The following LIN28B variants were observed in gnomAD, a reference collection of about 807,000 sequenced individuals.
LIN28B encodes lin-28 RNA binding posttranscriptional regulator B.
Under a neutral mutation model 21.9 loss-of-function variants are expected in LIN28B, and 5 were observed. The ratio of observed to expected loss-of-function variants is 0.23; its 90% confidence interval spans 0.12 to 0.48. The LOEUF (loss-of-function observed/expected upper bound fraction) is 0.48, where lower values mean the gene tolerates loss of function less well. LIN28B is among the 20% of genes least tolerant of loss of function. The pLI is 0.98. For missense variants in LIN28B, 245 were observed against 310.5 expected, an observed-to-expected ratio of 0.79 and a Z score of 1.58; for synonymous variants, 109 against 111.3, an observed-to-expected ratio of 0.98 and a Z score of 0.13.
chr6:105,035,725 A>T (rs1035574391), intron 3 of LIN28B, among the ~76,000 whole-genome samples: 1 of 152,210 alleles, frequency 6.6e-6, no homozygotes, highest in African/African-American at 2.4e-5. Flanking sequence ...AATTAAGTTC[A>T]CATAGCTTAC....
intron 2 of LIN28B, among the ~76,000 whole-genome samples, chr6:105,024,574 A>G (rs955947001): frequency 6.6e-6 from 1 of 152,184 alleles, no homozygotes; most frequent in Non-Finnish European, 1.5e-5. Flanking sequence ...TAAAGAATGT[A>G]GGCAGTTGTG....
intron 3 of LIN28B, among the ~76,000 whole-genome samples, chr6:105,048,403 C>T (rs953836649): frequency 6.6e-6 from 1 of 152,260 alleles, no homozygotes; most frequent in African/African-American, 2.4e-5. Flanking sequence ...TTTTGATGTG[C>T]TGTTGGATTC....
intron 3 of LIN28B, among the ~76,000 whole-genome samples, chr6:105,078,189 T>C (rs1265749427): frequency 6.6e-6 from 1 of 152,214 alleles, no homozygotes; most frequent in African/African-American, 2.4e-5. Flanking sequence ...TTCACTGTGT[T>C]TAGTTGTGTC....
At chr6:104,938,050 CAAAAAAAAAAAAAA>C (rs10562331) in intron 2 of LIN28B, among the ~76,000 whole-genome samples, 2 of 73,710 alleles carry the variant, frequency 2.7e-5, no homozygotes, top group African/African-American at 6.1e-5. Flanking sequence ...CCTGTCTCTA[CAAAAAAAAAAAAAA>C]AAAAAAAAAA....
At chr6:105,065,360 A>T (rs1286888136) in intron 3 of LIN28B, among the ~76,000 whole-genome samples, 1 of 152,248 alleles carries the variant, frequency 6.6e-6, no homozygotes, top group East Asian at 1.9e-4. Flanking sequence ...ACAAGAGAAG[A>T]TAATATCACA....
At chr6:104,971,205 A>G (rs999194280) in intron 2 of LIN28B, among the ~76,000 whole-genome samples, 2 of 152,146 alleles carry the variant, frequency 1.3e-5, no homozygotes, top group Non-Finnish European at 2.9e-5. Flanking sequence ...GCAAATAAGT[A>G]CTTTTAAAAG....
intron 3 of LIN28B, among the ~76,000 whole-genome samples, chr6:105,078,039 T>G (rs1772470436): frequency 6.6e-6 from 1 of 152,186 alleles, no homozygotes; most frequent in Admixed American, 6.5e-5. Flanking sequence ...TAAAACTGGC[T>G]TGTTGTTTTT....
intron 3 of LIN28B, among the ~76,000 whole-genome samples, chr6:105,074,556 T>A (rs1310404477): frequency 6.6e-6 from 1 of 152,178 alleles, no homozygotes; most frequent in Non-Finnish European, 1.5e-5. Flanking sequence ...TGACTTTGAT[T>A]TGATTGTTAA....
At chr6:105,053,156 G>GTCTTATTTA (rs1417545724) in intron 3 of LIN28B, among the ~76,000 whole-genome samples, 2 of 151,824 alleles carry the variant, frequency 1.3e-5, no homozygotes, top group African/African-American at 4.8e-5. Context: ...ATTTCTATAT[G>GTCTTATTTA]TCTTATTTAT....
intron 2 of LIN28B, among the ~76,000 whole-genome samples, chr6:105,001,446 T>A (rs1369299925): frequency 1.3e-5 from 2 of 152,240 alleles, no homozygotes; most frequent in Non-Finnish European, 2.9e-5. Context: ...TTCTCAGAGC[T>A]AGGTGAGAAA....
At chr6:105,018,155 G>C (rs1001582701) in intron 2 of LIN28B, among the ~76,000 whole-genome samples, 1 of 151,624 alleles carries the variant, frequency 6.6e-6, no homozygotes, top group South Asian at 2.1e-4. Context: ...AGCATGGTAG[G>C]GTGCACTTGT....
chr6:104,965,497 T>C (rs1769836849), intron 2 of LIN28B, among the ~76,000 whole-genome samples: 1 of 152,224 alleles, frequency 6.6e-6, no homozygotes. Context: ...CACTCCAGTC[T>C]GGACGACAGA....
chr6:105,066,713 A>G (rs1467472730), intron 3 of LIN28B, among the ~76,000 whole-genome samples: 1 of 152,090 alleles, frequency 6.6e-6, no homozygotes, highest in Admixed American at 6.6e-5. Flanking sequence ...ACTTCTCTAG[A>G]TAACAAATTA....
chr6:105,041,976 A>C (rs1278099059), intron 3 of LIN28B, among the ~76,000 whole-genome samples: 2 of 152,174 alleles, frequency 1.3e-5, no homozygotes, highest in African/African-American at 2.4e-5. Context: ...TCTGGATTTG[A>C]GTGCTCAATC....
chr6:105,053,714 CGT>C (rs59369365), intron 3 of LIN28B, among the ~76,000 whole-genome samples: 19,924 of 147,262 alleles, frequency 0.14, 1,450 homozygotes, highest in East Asian at 0.29. Flanking sequence ...TGTGTGGGTG[CGT>C]GTGTGTGTGT....
At chr6:104,956,685 G>A (rs1778295211), upstream of LIN28B, among the ~76,000 whole-genome samples, 1 of 152,038 alleles carries the variant, frequency 6.6e-6, no homozygotes, top group African/African-American at 2.4e-5. Context: ...TACTGCCATG[G>A]AATAGCTGAA....
chr6:104,977,102 A>C lies in LIN28B; in HGVS notation c.198+18816A>C, dbSNP rs578101137. 1.5e-4 allele frequency among the ~76,000 whole-genome samples: 23 copies of C among 151,906 alleles called. No individual in the cohort carries two copies. In the South Asian group the frequency reaches 4.6e-3, roughly 30 times the overall value. ...TACAGTGACATGATCATAGCTCACTATGTATAATCTTGTACTCCGAGACTC... is the reference window on the plus strand; with the variant it reads ...TACAGTGACATGATCATAGCTCACTCTGTATAATCTTGTACTCCGAGACTC... On this transcript the variant is annotated intron_variant, in intron 2 of 3. Transcript: ENST00000345080.
At chr6:105,078,022 T>C (rs975222577) in intron 3 of LIN28B, among the ~76,000 whole-genome samples, 2 of 152,212 alleles carry the variant, frequency 1.3e-5, no homozygotes, top group African/African-American at 4.8e-5. Context: ...TTCTACACTC[T>C]TGTTTTTAAA....
At chr6:105,028,654 AG>A (rs1771355198) in intron 3 of LIN28B, among the ~76,000 whole-genome samples, 4 of 152,362 alleles carry the variant, frequency 2.6e-5, no homozygotes, top group Non-Finnish European at 4.4e-5. Flanking sequence ...GGAAACCTAC[AG>A]AAGGAGCCTG....
Sources: gnomAD v4.1 joint callset for allele counts (sites outside exome capture counted in the v4.1 genomes callset) on GRCh38, gnomAD v4.1.1 for gene constraint, MANE v1.5 for transcripts, NCBI Gene and HGNC (gene_info 2026-07-23, HGNC 2026-07-21) for gene names.